Variants in MANEA observed in about 807,000 individuals in gnomAD.
MANEA encodes the protein glycoprotein endo-alpha-1,2-mannosidase.
MANEA carries 25 observed loss-of-function variants against 36.8 expected under a neutral mutation model. That is an observed-to-expected ratio of 0.68 (90% CI 0.50 to 0.95). The LOEUF (loss-of-function observed/expected upper bound fraction) is 0.95. Among genes scored for constraint, MANEA ranks in the 40% least tolerant of loss-of-function variants. MANEA has a pLI of 0.00. For missense variants in MANEA, 565 were observed against 558.8 expected (o/e 1.01, Z -0.11); for synonymous variants, 198 against 188.5 (o/e 1.05, Z -0.41).
At chr6:95,605,687 T>G in intron 4 of MANEA, 61 bp from the exon 5 acceptor site, 6 of 1,305,952 alleles carry the variant, frequency 4.6e-6, no homozygotes, top group Non-Finnish European at 6.5e-6. Flanking sequence ...GTAAACAGTT[T>G]TTGTCTGTGG....
chr6:95,583,803 CTTTT>C (rs1209842443), intron 1 of MANEA, among the ~76,000 whole-genome samples: 1 of 152,070 alleles, frequency 6.6e-6, no homozygotes, highest in Non-Finnish European at 1.5e-5. Flanking sequence ...TTATACTATT[CTTTT>C]ATGTTATTCT....
intron 3 of MANEA, among the ~76,000 whole-genome samples, chr6:95,600,664 T>C (rs945016520): frequency 2.0e-5 from 3 of 152,234 alleles, no homozygotes; most frequent in African/African-American, 4.8e-5. Context: ...TTAATGATGT[T>C]GTAGATTGTG....
chr6:95,594,409 A>C (rs763829486), intron 2 of MANEA, among the ~76,000 whole-genome samples: 20 of 152,306 alleles, frequency 1.3e-4, no homozygotes, highest in Admixed American at 3.3e-4. Context: ...AAGAAATAGA[A>C]GAGTGGTAGA....
At chr6:95,584,519 C>G (rs1769243971) in intron 1 of MANEA, among the ~76,000 whole-genome samples, 1 of 152,156 alleles carries the variant, frequency 6.6e-6, no homozygotes, top group Non-Finnish European at 1.5e-5. Context: ...GTTCTCTGCT[C>G]TCGAACCCTG....
intron 1 of MANEA, among the ~76,000 whole-genome samples, chr6:95,582,504 G>A (rs1166814483): frequency 6.6e-6 from 1 of 152,040 alleles, no homozygotes; most frequent in Non-Finnish European, 1.5e-5. Flanking sequence ...ACCTGTTAGT[G>A]CAACAGGACT....
chr6:95,595,170 T>G (rs1277607622), intron 2 of MANEA, among the ~76,000 whole-genome samples: 1 of 152,202 alleles, frequency 6.6e-6, no homozygotes, highest in Admixed American at 6.5e-5. Context: ...TCCTTTCATT[T>G]TCTGCATAAA....
intron 1 of MANEA, among the ~76,000 whole-genome samples, chr6:95,585,507 T>A (rs937371344): frequency 6.6e-6 from 1 of 151,962 alleles, no homozygotes; most frequent in African/African-American, 2.4e-5. Context: ...AGGGATGGGG[T>A]CTCCCCGTGG....
At chr6:95,588,276 T>C (rs1769325442) in intron 2 of MANEA, 1 of 152,072 alleles carries the variant, frequency 6.6e-6, no homozygotes, top group Admixed American at 6.5e-5. Context: ...GGATTCACCA[T>C]GGAGCTGATA....
chr6:95,605,955 T>C lies in MANEA; in HGVS notation c.939T>C (p.Leu313=), dbSNP rs1221836622. ...LVEEKHKYDI[L]QSGFDGIYTY... Reference sequence around the variant, plus strand: ...AAGAAAAACATAAGTATGATATTCTTCAAAGTGGTTTTGATGGAATTTACA... The same window carrying C: ...AAGAAAAACATAAGTATGATATTCTCCAAAGTGGTTTTGATGGAATTTACA... Residue 313 remains leucine, a synonymous_variant, in exon 5 of 5, where the codon CTT becomes CTC. Transcript: ENST00000358812. The C allele has an allele frequency of 1.9e-6, 3 of 1,613,984 alleles. No individual in the cohort carries two copies. Among genetic ancestry groups the C allele is most frequent in the Non-Finnish European group, 2.5e-6 (3 of 1,179,940 alleles).
chr6:95,601,982 G>A (rs1283845512), intron 3 of MANEA, among the ~76,000 whole-genome samples: 1 of 151,902 alleles, frequency 6.6e-6, no homozygotes, highest in Non-Finnish European at 1.5e-5. Context: ...AAGTATGTCC[G>A]TGATTCTTTT....
At chr6:95,585,491 T>C (rs1450692589) in intron 1 of MANEA, among the ~76,000 whole-genome samples, 1 of 152,102 alleles carries the variant, frequency 6.6e-6, no homozygotes, top group African/African-American at 2.4e-5. Flanking sequence ...TTTTAAAAGT[T>C]TGTGTAGGGA....
In MANEA at chr6:95,607,829, TAGA is replaced by T. The variant is rs1334050031; in HGVS notation, c.*1426_*1428del. The T allele has an allele frequency of 5.3e-5, 8 of 151,664 alleles. No individual in the cohort carries two copies. The East Asian group carries it at 1.5e-3, about 29-fold the overall frequency. The allele number at this position is 151,664 out of a possible 1,614,324, so 9.4% of individuals were successfully genotyped here. The stretch of plus-strand genomic sequence containing the variant: ...TTAGGTGTTCCATTAAGAAGAGCAA[TAGA>T]ATAATGCTAAAAAATAATGCCTATA... On this transcript the variant is annotated 3_prime_UTR_variant, in exon 5 of 5. Coordinates refer to ENST00000358812, the MANE Select transcript of MANEA (RefSeq NM_024641.4).
rs1303008960 is a variant in MANEA at position 95,609,380 on chromosome 6, A to G, written c.*2975A>G. 6.6e-6 allele frequency: 1 copy of G among 151,748 alleles called. No individual in the cohort carries two copies. The highest frequency in any genetic ancestry group is 1.5e-5 in the Non-Finnish European group (1 of 67,694). The allele number at this position is 151,748 out of a possible 1,614,324, so 9.4% of individuals were successfully genotyped here. A position where few individuals can be genotyped will look rare whatever the true frequency, so the allele number is the denominator to read the frequency against. Reference sequence around the variant, plus strand: ...AACTTCCTTCTGTTTTAAGATTGTAATTAAAAATTACTATTTTGTTATATG... The same window carrying G: ...AACTTCCTTCTGTTTTAAGATTGTAGTTAAAAATTACTATTTTGTTATATG... On this transcript the variant is annotated 3_prime_UTR_variant, in exon 5 of 5. Coordinates refer to ENST00000358812, the MANE Select transcript of MANEA (RefSeq NM_024641.4).
At position 95,607,773 on chromosome 6, in the gene MANEA, AATAT is replaced by A. The variant is rs1313081447; in HGVS notation, c.*1373_*1376del. On this transcript the variant is annotated 3_prime_UTR_variant, in exon 5 of 5. Coordinates refer to ENST00000358812, the MANE Select transcript of MANEA (RefSeq NM_024641.4). ...ATGTTTATAACTATAGTAAAAAATT[AATAT>A]ATATCCTATTACATAAATGTTATTT... The A allele has an allele frequency of 6.6e-6, 1 of 151,782 alleles. No homozygotes were observed. The highest frequency in any genetic ancestry group is 1.9e-4 in the East Asian group (1 of 5,174). 9.4% of individuals were successfully genotyped at this position (151,782 alleles called of 1,614,324 possible). A position where few individuals can be genotyped will look rare whatever the true frequency, so the allele number is the denominator to read the frequency against.
At chr6:95,584,789 C>T (rs1303784749) in intron 1 of MANEA, among the ~76,000 whole-genome samples, 12 of 152,098 alleles carry the variant, frequency 7.9e-5, no homozygotes, top group African/African-American at 1.2e-4. Context: ...ATGTCACCCC[C>T]GGTGGCCCAA....
chr6:95,589,990 A>G (rs1460206171), intron 2 of MANEA: 2 of 152,126 alleles, frequency 1.3e-5, no homozygotes, highest in South Asian at 2.1e-4. Flanking sequence ...CCCTGTTGCT[A>G]TCTTTGAAGA....
chr6:95,595,729 T>C (rs1436232597), intron 2 of MANEA, among the ~76,000 whole-genome samples: 1 of 152,160 alleles, frequency 6.6e-6, no homozygotes, highest in Non-Finnish European at 1.5e-5. Flanking sequence ...TTTGAATTAA[T>C]TCATCTTAAA....
chr6:95,602,687 G>A (rs1457719025), intron 3 of MANEA, among the ~76,000 whole-genome samples: 1 of 151,894 alleles, frequency 6.6e-6, no homozygotes, highest in Non-Finnish European at 1.5e-5. Context: ...TTTCCAAATG[G>A]AATAGAGAGA....
At chr6:95,582,733 AAC>A (rs1190038135) in intron 1 of MANEA, among the ~76,000 whole-genome samples, 2 of 152,166 alleles carry the variant, frequency 1.3e-5, no homozygotes, top group Non-Finnish European at 2.9e-5. Flanking sequence ...ATTATACACA[AAC>A]ACACATACCC....
Sources: allele counts gnomAD v4.1 joint callset (sites outside exome capture counted in the v4.1 genomes callset), GRCh38; gene constraint gnomAD v4.1.1; transcripts MANE v1.5; gene names NCBI Gene and HGNC (gene_info 2026-07-23, HGNC 2026-07-21).